Variants in CNTN5 observed in about 807,000 individuals in gnomAD.
CNTN5 encodes the protein contactin-5.
In CNTN5, 77 loss-of-function variants were observed where a neutral mutation model predicts 129.1. The observed-to-expected ratio is 0.60, with a 90% CI of 0.50 to 0.72. The LOEUF is 0.72. Ranked by LOEUF, CNTN5 falls within the 30% of genes least tolerant of loss-of-function variation. The pLI, the probability that CNTN5 is intolerant of heterozygous loss-of-function variation, is 0.00. For synonymous variants in CNTN5, 509 were observed against 465.6 expected (o/e 1.09, Z -1.20); for missense variants, 1,478 against 1,328.8 (o/e 1.11, Z -1.75).
At chr11:100,012,184 A>G (rs912920806) in intron 9 of CNTN5, among the ~76,000 whole-genome samples, 1 of 152,176 alleles carries the variant, frequency 6.6e-6, no homozygotes, top group Non-Finnish European at 1.5e-5. Context: ...GAAAATTGCC[A>G]TCATGAACTA....
chr11:99,257,284 T>A (rs551084887), intron 1 of CNTN5, among the ~76,000 whole-genome samples: 6 of 152,272 alleles, frequency 3.9e-5, no homozygotes, highest in African/African-American at 1.2e-4. Flanking sequence ...TAGGTCAAAT[T>A]CCATTTCACA....
At chr11:99,769,801 G>A (rs1340208345) in intron 3 of CNTN5, among the ~76,000 whole-genome samples, 1 of 131,340 alleles carries the variant, frequency 7.6e-6, no homozygotes, top group East Asian at 2.5e-4. Context: ...GGGCAATAGA[G>A]TGAGACCCCG....
chr11:99,414,486 T>C (rs975598179), intron 2 of CNTN5, among the ~76,000 whole-genome samples: 4 of 151,940 alleles, frequency 2.6e-5, no homozygotes, highest in African/African-American at 9.7e-5. Flanking sequence ...AGAATATATA[T>C]GTATAAGAAT....
intron 1 of CNTN5, among the ~76,000 whole-genome samples, chr11:99,108,568 C>T (rs753876885): frequency 2.0e-5 from 3 of 151,998 alleles, no homozygotes; most frequent in African/African-American, 7.2e-5. Context: ...TTATAAACAT[C>T]ATAGAATTTC....
At chr11:100,222,798 G>A (rs1591408236) in intron 15 of CNTN5, among the ~76,000 whole-genome samples, 1 of 152,098 alleles carries the variant, frequency 6.6e-6, no homozygotes, top group East Asian at 1.9e-4. Context: ...CCTATTCTGG[G>A]CCTGTAGTGT....
chr11:99,025,531 G>A (rs2135064916), intron 1 of CNTN5, among the ~76,000 whole-genome samples: 1 of 151,764 alleles, frequency 6.6e-6, no homozygotes, highest in South Asian at 2.1e-4. Flanking sequence ...ATATGTTTAG[G>A]AAGAGAAATG....
chr11:99,716,273 C>T (rs774317741), intron 3 of CNTN5, among the ~76,000 whole-genome samples: 5 of 152,014 alleles, frequency 3.3e-5, no homozygotes, highest in Non-Finnish European at 7.4e-5. Context: ...GATAAAGATA[C>T]TTTCCAATTT....
At chr11:99,452,372 G>GTTTTTTTTTTT (rs71463577) in intron 2 of CNTN5, among the ~76,000 whole-genome samples, 1 of 104,358 alleles carries the variant, frequency 9.6e-6, no homozygotes, top group African/African-American at 3.6e-5. Context: ...AAACACAGGT[G>GTTTTTTTTTTT]TTTTTTTTTT....
intron 1 of CNTN5, among the ~76,000 whole-genome samples, chr11:99,229,210 C>T (rs1860850328): frequency 1.3e-5 from 2 of 151,998 alleles, no homozygotes; most frequent in African/African-American, 4.8e-5. Flanking sequence ...CATAATTTAA[C>T]ATTGAATTTT....
chr11:99,491,543 G>A (rs1277477258), intron 2 of CNTN5, among the ~76,000 whole-genome samples: 1 of 152,114 alleles, frequency 6.6e-6, no homozygotes, highest in East Asian at 1.9e-4. Context: ...TAAGGTAGGA[G>A]GGACCAATCC....
intron 8 of CNTN5, among the ~76,000 whole-genome samples, chr11:99,961,205 A>AG: frequency 2.9e-5 from 3 of 101,804 alleles, no homozygotes; most frequent in East Asian, 3.5e-4. Flanking sequence ...ACTCCGTCTC[A>AG]GAAAAAAAAA....
intron 7 of CNTN5, among the ~76,000 whole-genome samples, chr11:99,950,032 C>G (rs1431892663): frequency 6.6e-6 from 1 of 152,124 alleles, no homozygotes; most frequent in Non-Finnish European, 1.5e-5. Flanking sequence ...GTCTCCAAAG[C>G]ATAAAAAAGA....
rs552597359 is a variant in CNTN5, at chr11:99,878,725, G to T, written c.577+33463G>T. ...CCAAAAATTAGCCGGGCGTGGTGGC[G>T]CGTGCCTGTAGTCCCGCTACTAGGG... On this transcript the variant is annotated intron_variant, in intron 6 of 24. Transcript: ENST00000524871. Among the ~76,000 whole-genome samples the T allele has an allele frequency of 2.0e-5, 3 of 151,988 alleles. No individual in the cohort carries two copies. The South Asian group carries it at 6.2e-4, about 32-fold the overall frequency.
At chr11:99,184,374 C>T (rs1265295036) in intron 1 of CNTN5, among the ~76,000 whole-genome samples, 2 of 152,032 alleles carry the variant, frequency 1.3e-5, no homozygotes, top group East Asian at 3.9e-4. Context: ...CTCAGAAAGC[C>T]TCCTGCTCTC....
chr11:99,035,154 TTC>T (rs1380443923), intron 1 of CNTN5, among the ~76,000 whole-genome samples: 6 of 151,636 alleles, frequency 4.0e-5, no homozygotes, highest in Admixed American at 6.6e-5. Context: ...ATAATTTCTG[TTC>T]TTTTACATTT....
intron 8 of CNTN5, among the ~76,000 whole-genome samples, chr11:99,982,249 G>C (rs1591521197): frequency 6.6e-6 from 1 of 152,204 alleles, no homozygotes; most frequent in African/African-American, 2.4e-5. Flanking sequence ...TTAGCATTGG[G>C]GCAGGTTTTC....
rs564402719 is a variant in CNTN5, at chr11:99,159,907, TTTAA to T, written c.-210+138640_-210+138643del. Among the ~76,000 whole-genome samples the T allele has an allele frequency of 8.7e-4, 132 of 152,344 alleles. 1 individual carries two copies. The highest frequency in any genetic ancestry group is 4.1e-3 in the South Asian group (20 of 4,824). ...ATAATAATCTCAACACAAGAATTGC[TTTAA>T]TTGTCAGAAAATCTCATTTTAAAGG... On this transcript the variant is annotated intron_variant, in intron 1 of 24. Coordinates refer to ENST00000524871, the MANE Select transcript of CNTN5 (RefSeq NM_014361.4).
At chr11:99,879,604 T>C (rs1948721319) in intron 6 of CNTN5, among the ~76,000 whole-genome samples, 2 of 152,060 alleles carry the variant, frequency 1.3e-5, no homozygotes, top group Admixed American at 1.3e-4. Context: ...GTTTTTTTTC[T>C]GATTTGTTTC....
intron 3 of CNTN5, among the ~76,000 whole-genome samples, chr11:99,774,483 C>A (rs1479256113): frequency 2.3e-5 from 3 of 132,212 alleles, no homozygotes; most frequent in Admixed American, 8.0e-5. Flanking sequence ...TTAAGAAATT[C>A]ATAGGAGAAG....
Sources: gnomAD v4.1 joint callset for allele counts (sites outside exome capture counted in the v4.1 genomes callset) on GRCh38, gnomAD v4.1.1 for gene constraint, MANE v1.5 for transcripts, NCBI Gene and HGNC (gene_info 2026-07-23, HGNC 2026-07-21) for gene names.